Variants in SYT1 observed in about 807,000 individuals in gnomAD.
SYT1 encodes the protein synaptotagmin-1.
Under a neutral mutation model 44.8 loss-of-function variants are expected in SYT1, and 8 were observed. The ratio of observed to expected loss-of-function variants is 0.18; its 90% CI spans 0.10 to 0.32. SYT1 has a LOEUF of 0.32. Ranked by LOEUF, SYT1 falls within the 10% of genes least tolerant of loss-of-function variation. The probability of loss-of-function intolerance (pLI) is 1.00; values close to 1 mark genes in which losing one functional copy is unlikely to be tolerated. For synonymous variants in SYT1, 154 were observed against 188.8 expected (o/e 0.82, Z 1.51); for missense variants, 286 against 509.3 (o/e 0.56, Z 4.22).
intron 3 of SYT1, among the ~76,000 whole-genome samples, chr12:79,106,203 T>A (rs1196120733): frequency 1.3e-5 from 2 of 152,184 alleles, no homozygotes; most frequent in Non-Finnish European, 1.5e-5. Context: ...AGATTTTAGC[T>A]GCAGCTTTCA....
chr12:78,876,069 A>G (rs1199294094), intron 1 of SYT1, among the ~76,000 whole-genome samples: 1 of 151,638 alleles, frequency 6.6e-6, no homozygotes, highest in African/African-American at 2.4e-5. Flanking sequence ...CCTTTTGAGT[A>G]TATTTTTGAT....
At chr12:79,408,729 C>CT (rs200830513) in intron 9 of SYT1, among the ~76,000 whole-genome samples, 171 of 141,226 alleles carry the variant, frequency 1.2e-3, no homozygotes, top group Middle Eastern at 3.6e-3. Flanking sequence ...CCTTTTCTTT[C>CT]TTTTTTTTTT....
At chr12:78,934,131 T>C (rs1179325029) in intron 1 of SYT1, among the ~76,000 whole-genome samples, 2 of 151,264 alleles carry the variant, frequency 1.3e-5, no homozygotes, top group East Asian at 3.9e-4. Flanking sequence ...TGTGTGTGTA[T>C]ATATGTGTGT....
At chr12:78,933,694 G>T (rs1877881406) in intron 1 of SYT1, among the ~76,000 whole-genome samples, 1 of 152,150 alleles carries the variant, frequency 6.6e-6, no homozygotes, top group African/African-American at 2.4e-5. Context: ...TACTGTTTTA[G>T]CATTAGTTTA....
intron 2 of SYT1, among the ~76,000 whole-genome samples, chr12:79,016,905 T>G (rs115415273): frequency 0.011 from 1,641 of 152,266 alleles, 24 homozygotes; most frequent in African/African-American, 0.038. Context: ...TCCACTCCAC[T>G]ATGTACTAAC....
chr12:78,925,592 T>C (rs553553688), intron 1 of SYT1, among the ~76,000 whole-genome samples: 1 of 151,970 alleles, frequency 6.6e-6, no homozygotes, highest in Non-Finnish European at 1.5e-5. Flanking sequence ...GTCAGAACCA[T>C]AAAATATTAT....
chr12:79,321,984 C>T (rs1405868713), intron 8 of SYT1, among the ~76,000 whole-genome samples: 2 of 152,144 alleles, frequency 1.3e-5, no homozygotes, highest in African/African-American at 4.8e-5. Flanking sequence ...AGGCTGGGAA[C>T]GTAACAGGGG....
chr12:79,431,536 A>ATTTT lies in SYT1; in HGVS notation c.929-12534_929-12533insTTTT, dbSNP rs1260243493. Reference sequence around the variant, plus strand: ...TTATTATTTATTTATTTATTTATTTATTTATTTATTTATTTATTGAGATGG... The same window carrying ATTTT: ...TTATTATTTATTTATTTATTTATTTATTTTTTTATTTATTTATTTATTGAGATGG... On this transcript the variant is annotated intron_variant, in intron 9 of 10. Coordinates refer to ENST00000261205, the MANE Select transcript of SYT1 (RefSeq NM_005639.3). 2.7e-5 allele frequency among the ~76,000 whole-genome samples: 4 copies of ATTTT among 147,960 alleles called. No individual in the cohort carries two copies. In the South Asian group the frequency reaches 6.3e-4, roughly 23 times the overall value.
At chr12:79,039,618 AT>A (rs1005203083) in intron 2 of SYT1, among the ~76,000 whole-genome samples, 20 of 120,454 alleles carry the variant, frequency 1.7e-4, no homozygotes, top group African/African-American at 3.7e-4. Flanking sequence ...ATTTATTTTT[AT>A]TTTTTTATTT....
chr12:79,041,239 A>T (rs1176224446), intron 2 of SYT1, among the ~76,000 whole-genome samples: 1 of 152,138 alleles, frequency 6.6e-6, no homozygotes, highest in Non-Finnish European at 1.5e-5. Context: ...CATGATATTC[A>T]TTCTTCCTAC....
At chr12:79,299,879 G>GA (rs1565897452) in intron 8 of SYT1, among the ~76,000 whole-genome samples, 1 of 151,992 alleles carries the variant, frequency 6.6e-6, no homozygotes, top group Non-Finnish European at 1.5e-5. Flanking sequence ...AAATGACAAC[G>GA]AAAAATTATT....
At chr12:79,281,990 G>GGAC in intron 4 of SYT1, among the ~76,000 whole-genome samples, 1 of 152,168 alleles carries the variant, frequency 6.6e-6, no homozygotes, top group South Asian at 2.1e-4. Flanking sequence ...AGAGGCACCT[G>GGAC]CATTCCTTGG....
rs969364747 is a variant in SYT1, at chr12:79,272,198, T to C, written c.167-13589T>C. ...TGAGCAGGGAACAACTTACCCAGTC[T>C]GATGAGAATAGAGGTGAGTGTGGGG... On this transcript the variant is annotated intron_variant, in intron 4 of 10. Coordinates refer to ENST00000261205, the MANE Select transcript of SYT1 (RefSeq NM_005639.3). 3.3e-5 allele frequency among the ~76,000 whole-genome samples: 5 copies of C among 152,292 alleles called. No homozygotes were observed. In the East Asian group the frequency reaches 9.6e-4, roughly 29 times the overall value.
chr12:79,043,326 T>A (rs1048691002), intron 2 of SYT1, among the ~76,000 whole-genome samples: 11 of 151,556 alleles, frequency 7.3e-5, no homozygotes, highest in African/African-American at 2.4e-4. Flanking sequence ...TGGGTGCATA[T>A]ATATTTGGGA....
chr12:79,113,682 T>G (rs961096138), intron 3 of SYT1, among the ~76,000 whole-genome samples: 1 of 152,106 alleles, frequency 6.6e-6, no homozygotes, highest in Admixed American at 6.6e-5. Flanking sequence ...CCATGCTGAC[T>G]TTAGGAAATT....
intron 9 of SYT1, among the ~76,000 whole-genome samples, chr12:79,443,803 T>G (rs2136201444): frequency 6.6e-6 from 1 of 152,322 alleles, no homozygotes; most frequent in Non-Finnish European, 1.5e-5. Flanking sequence ...AAATGCTGCA[T>G]GTTAAGACTT....
At chr12:79,040,322 G>C (rs1873459188) in intron 2 of SYT1, among the ~76,000 whole-genome samples, 1 of 152,016 alleles carries the variant, frequency 6.6e-6, no homozygotes, top group African/African-American at 2.4e-5. Context: ...ATTCTAACTG[G>C]TGTGAGATGG....
chr12:78,888,772 G>T (rs540977488), intron 1 of SYT1, among the ~76,000 whole-genome samples: 1 of 151,748 alleles, frequency 6.6e-6, no homozygotes, highest in African/African-American at 2.4e-5. Flanking sequence ...CCAAGGGTGC[G>T]ATTTGCATTC....
chr12:78,959,708 GGCT>G (rs1879405991), intron 1 of SYT1, among the ~76,000 whole-genome samples: 2 of 152,202 alleles, frequency 1.3e-5, no homozygotes, highest in South Asian at 4.1e-4. Flanking sequence ...CATCAGAGAA[GGCT>G]GCTGAGTTCT....
Sources: gnomAD v4.1 joint callset for allele counts (sites outside exome capture counted in the v4.1 genomes callset) on GRCh38, gnomAD v4.1.1 for gene constraint, MANE v1.5 for transcripts, NCBI Gene and HGNC (gene_info 2026-07-23, HGNC 2026-07-21) for gene names.